Variants in DTNBP1 observed in about 807,000 individuals in gnomAD.
DTNBP1 encodes dysbindin.
Under a neutral mutation model 42.8 loss-of-function variants are expected in DTNBP1, and 35 were observed. That is an observed-to-expected ratio of 0.82 (90% CI 0.63 to 1.09). The LOEUF (loss-of-function observed/expected upper bound fraction) is 1.09. DTNBP1 is among the 50% of genes least tolerant of loss of function. DTNBP1 has a pLI of 0.00. For synonymous variants in DTNBP1, 171 were observed against 162.2 expected (o/e 1.05, Z -0.41); for missense variants, 457 against 424.2 (o/e 1.08, Z -0.68).
At chr6:15,569,589 GGTGTCAGT>G (rs1213443422) in intron 7 of DTNBP1, among the ~76,000 whole-genome samples, 2 of 152,208 alleles carry the variant, frequency 1.3e-5, no homozygotes, top group East Asian at 3.9e-4. Flanking sequence ...GGAAAGCCTT[GGTGTCAGT>G]GTAGTGACAT....
intron 6 of DTNBP1, among the ~76,000 whole-genome samples, chr6:15,601,620 G>C (rs1192332533): frequency 6.6e-6 from 1 of 151,866 alleles, no homozygotes; most frequent in Non-Finnish European, 1.5e-5. Flanking sequence ...GAGGCAGATG[G>C]ATCACCTGAG....
At chr6:15,574,897 T>C (rs1264014367) in intron 7 of DTNBP1, among the ~76,000 whole-genome samples, 1 of 152,222 alleles carries the variant, frequency 6.6e-6, no homozygotes, top group Non-Finnish European at 1.5e-5. Context: ...CTGAGTATGG[T>C]CGAATGTTTT....
intron 6 of DTNBP1, among the ~76,000 whole-genome samples, chr6:15,594,664 A>G (rs1285265425): frequency 2.6e-5 from 4 of 152,110 alleles, no homozygotes; most frequent in African/African-American, 7.2e-5. Context: ...TCTCAAAAAG[A>G]TATCTTCAAT....
In DTNBP1 at chr6:15,604,893, C is replaced by T. The variant is rs570638028; in HGVS notation, c.488+10374G>A. 4.5e-4 allele frequency among the ~76,000 whole-genome samples: 68 copies of T among 152,272 alleles called. 1 individual carries two copies. The highest frequency in any genetic ancestry group is 3.9e-4 in the East Asian group (2 of 5,174). ...TCTCATCAGAGGCAGCAGCGACCAC[C>T]ACTTCTAGGAGGTGGGTTCCAGGAG... On this transcript the variant is annotated intron_variant, in intron 6 of 9. Coordinates refer to ENST00000344537, the MANE Select transcript of DTNBP1 (RefSeq NM_032122.5).
chr6:15,635,435 G>A (rs1409467019), intron 4 of DTNBP1, among the ~76,000 whole-genome samples: 1 of 152,108 alleles, frequency 6.6e-6, no homozygotes, highest in East Asian at 1.9e-4. Flanking sequence ...TGTAGCTCCA[G>A]TATGAGGTGT....
chr6:15,539,092 A>C (rs1295592246), intron 7 of DTNBP1, among the ~76,000 whole-genome samples: 1 of 152,200 alleles, frequency 6.6e-6, no homozygotes, highest in African/African-American at 2.4e-5. Flanking sequence ...TATCATCTCA[A>C]ATCAGGTACA....
intron 3 of DTNBP1, among the ~76,000 whole-genome samples, chr6:15,645,643 C>G (rs1319123957): frequency 1.3e-5 from 2 of 152,024 alleles, no homozygotes; most frequent in African/African-American, 4.8e-5. Flanking sequence ...AAACACAAAT[C>G]AATGAATGTG....
At position 15,641,230 on chromosome 6, in the gene DTNBP1, T is replaced by C. The variant is rs186420656; in HGVS notation, c.162-3426A>G. On this transcript the variant is annotated intron_variant, in intron 3 of 9. Coordinates refer to ENST00000344537, the MANE Select transcript of DTNBP1 (RefSeq NM_032122.5). The stretch of plus-strand genomic sequence containing the variant: ...TGGTGTGTGTGCGTGTTTTTGTTTT[T>C]GTTTTTGTCCCAAGATGGCTTACTA... Among the ~76,000 whole-genome samples, 3 of 152,344 alleles carry C rather than the reference T, an allele frequency of 2.0e-5. No homozygotes were observed. The East Asian group carries it at 5.8e-4, about 29-fold the overall frequency.
At chr6:15,581,511 C>T (rs547210016) in intron 7 of DTNBP1, among the ~76,000 whole-genome samples, 87 of 119,506 alleles carry the variant, frequency 7.3e-4, no homozygotes, top group Non-Finnish European at 1.3e-3. Context: ...GATGGAGTCT[C>T]GCTCTGTCAC....
At chr6:15,595,876 T>C (rs889415596) in intron 6 of DTNBP1, among the ~76,000 whole-genome samples, 1 of 152,142 alleles carries the variant, frequency 6.6e-6, no homozygotes, top group Non-Finnish European at 1.5e-5. Flanking sequence ...GTAATTCAGA[T>C]AAAAAGGTAG....
At chr6:15,626,010 A>T (rs1354558865) in intron 5 of DTNBP1, among the ~76,000 whole-genome samples, 1 of 152,112 alleles carries the variant, frequency 6.6e-6, no homozygotes, top group African/African-American at 2.4e-5. Context: ...CAAAACACTG[A>T]CCCTGAAAGG....
At chr6:15,625,122 A>G (rs1259749667) in intron 5 of DTNBP1, among the ~76,000 whole-genome samples, 1 of 152,214 alleles carries the variant, frequency 6.6e-6, no homozygotes. Context: ...CCAAGTTTTG[A>G]TATGCTATCT....
chr6:15,625,086 C>T (rs1759263217), intron 5 of DTNBP1, among the ~76,000 whole-genome samples: 1 of 152,158 alleles, frequency 6.6e-6, no homozygotes, highest in African/African-American at 2.4e-5. Flanking sequence ...TCTAGGCCAA[C>T]AAATACTAAC....
intron 6 of DTNBP1, among the ~76,000 whole-genome samples, chr6:15,609,974 G>A (rs867332937): frequency 2.4e-4 from 37 of 152,284 alleles, no homozygotes; most frequent in Middle Eastern, 3.4e-3. Flanking sequence ...TTTGGCTGCC[G>A]GAGTTCTGGG....
At position 15,613,357 on chromosome 6, in the gene DTNBP1, ATTTTTTTTTT is replaced by A. The variant is rs1184227291; in HGVS notation, c.488+1900_488+1909del. Among the ~76,000 whole-genome samples the A allele has an allele frequency of 3.7e-4, 9 of 24,318 alleles. 1 individual carries two copies. The highest frequency in any genetic ancestry group is 5.9e-4 in the Admixed American group (1 of 1,692). 16.0% of individuals were successfully genotyped at this position (24,318 alleles called of 152,430 possible). ...ATGCCCCTTTTTTGACACGGACCCC[ATTTTTTTTTT>A]TTTTTTTTTTTTTTTTTGAGACGGA... On this transcript the variant is annotated intron_variant, in intron 6 of 9. Coordinates refer to ENST00000344537, the MANE Select transcript of DTNBP1 (RefSeq NM_032122.5).
intron 7 of DTNBP1, among the ~76,000 whole-genome samples, chr6:15,566,662 ACCTTT>A (rs1278001808): frequency 6.7e-6 from 1 of 148,454 alleles, no homozygotes; most frequent in Non-Finnish European, 1.5e-5. Flanking sequence ...CTGCAAAGCT[ACCTTT>A]TGTGGGGGAA....
intron 1 of DTNBP1, among the ~76,000 whole-genome samples, chr6:15,657,667 G>C (rs1464766911): frequency 6.6e-6 from 1 of 152,220 alleles, no homozygotes; most frequent in Non-Finnish European, 1.5e-5. Context: ...ATTCTAGACA[G>C]TCTGCTACTA....
At chr6:15,626,833 C>T (rs1484677027) in intron 5 of DTNBP1, among the ~76,000 whole-genome samples, 1 of 151,592 alleles carries the variant, frequency 6.6e-6, no homozygotes, top group African/African-American at 2.4e-5. Flanking sequence ...ACTCCTCCTG[C>T]CTCAGTCTCC....
At chr6:15,525,856 G>A (rs1241062007) in intron 8 of DTNBP1, among the ~76,000 whole-genome samples, 1 of 152,188 alleles carries the variant, frequency 6.6e-6, no homozygotes, top group Non-Finnish European at 1.5e-5. Context: ...AGAAGCTGAT[G>A]AGTTTCCCAA....
Sources: allele counts gnomAD v4.1 joint callset (sites outside exome capture counted in the v4.1 genomes callset), GRCh38; gene constraint gnomAD v4.1.1; transcripts MANE v1.5; gene names NCBI Gene and HGNC (gene_info 2026-07-23, HGNC 2026-07-21).